The following DIP2C variants were observed in gnomAD, a reference collection of about 807,000 sequenced individuals.
The protein encoded by DIP2C is DIP2 acetate--CoA ligase C (putative).
DIP2C carries 33 observed loss-of-function variants against 192.4 expected under a neutral mutation model. That is an observed-to-expected ratio of 0.17 (90% CI 0.13 to 0.23). The LOEUF (loss-of-function observed/expected upper bound fraction) is 0.23. DIP2C is among the 10% of genes least tolerant of loss of function. The pLI is 1.00. For synonymous variants in DIP2C, 979 were observed against 864.1 expected, an observed-to-expected ratio of 1.13 and a Z score of -2.33; for missense variants, 1,537 against 2,110.1, an observed-to-expected ratio of 0.73 and a Z score of 5.32.
chr10:310,361 C>T (rs1012215260), intron 31 of DIP2C, among the ~76,000 whole-genome samples: 3 of 152,190 alleles, frequency 2.0e-5, no homozygotes, highest in East Asian at 1.9e-4. Flanking sequence ...CAAAGCCACG[C>T]ACTGTGCCAA....
chr10:430,897 T>TAAGGTC (rs1966849670), intron 4 of DIP2C, among the ~76,000 whole-genome samples: 1 of 152,242 alleles, frequency 6.6e-6, no homozygotes, highest in South Asian at 2.1e-4. Flanking sequence ...TTGAAAGATG[T>TAAGGTC]AAGGTCTGTG....
chr10:654,861 T>C lies in DIP2C; in HGVS notation c.85+34633A>G, dbSNP rs182084508. ...ACTATGATCGGTTTGTTCTATTCTA[T>C]ACTATTCCATTCTCTACGATACAAT... is the stretch of plus-strand genomic sequence containing the variant. On this transcript the variant is annotated intron_variant, in intron 1 of 36. Coordinates refer to ENST00000280886, the MANE Select transcript of DIP2C (RefSeq NM_014974.3). 2.8e-3 allele frequency among the ~76,000 whole-genome samples: 431 copies of C among 152,350 alleles called. 2 individuals carry two copies. Among genetic ancestry groups the C allele is most frequent in the Non-Finnish European group, 4.2e-3 (284 of 68,028 alleles).
intron 22 of DIP2C, among the ~76,000 whole-genome samples, chr10:359,394 A>AT (rs1476888611): frequency 1.3e-5 from 2 of 152,252 alleles, no homozygotes; most frequent in Non-Finnish European, 2.9e-5. Flanking sequence ...AGAACGGTCT[A>AT]TGAGCAGATG....
At chr10:534,769 C>T (rs1322476420) in intron 1 of DIP2C, among the ~76,000 whole-genome samples, 1 of 151,624 alleles carries the variant, frequency 6.6e-6, no homozygotes, top group Non-Finnish European at 1.5e-5. Context: ...CTCCGCTTCC[C>T]GGGTTCACGC....
At chr10:540,656 C>T (rs1847931347) in intron 1 of DIP2C, among the ~76,000 whole-genome samples, 1 of 152,218 alleles carries the variant, frequency 6.6e-6, no homozygotes. Flanking sequence ...TGTGAACGCA[C>T]TTAATGCCAC....
intron 1 of DIP2C, among the ~76,000 whole-genome samples, chr10:565,887 C>T (rs942095866): frequency 7.2e-5 from 11 of 152,206 alleles, no homozygotes; most frequent in African/African-American, 1.2e-4. Flanking sequence ...GCACTTCACA[C>T]GTTGGGAAGC....
At chr10:667,406 G>A (rs1210644430) in intron 1 of DIP2C, 1 of 152,256 alleles carries the variant, frequency 6.6e-6, no homozygotes, top group African/African-American at 2.4e-5. Flanking sequence ...CGCTCAGAAG[G>A]GGCTGCACGG....
At chr10:686,346 C>T (rs1057353724) in intron 1 of DIP2C, among the ~76,000 whole-genome samples, 2 of 151,672 alleles carry the variant, frequency 1.3e-5, no homozygotes, top group African/African-American at 4.8e-5. Flanking sequence ...CACAGCCTTC[C>T]CCCCACGTGG....
At chr10:335,280 T>C (rs1589515767) in intron 29 of DIP2C, among the ~76,000 whole-genome samples, 3 of 152,222 alleles carry the variant, frequency 2.0e-5, no homozygotes, top group Admixed American at 2.0e-4. Context: ...TAATTCTCTC[T>C]CCTTGGATTA....
intron 25 of DIP2C, 62 bp from the exon 26 acceptor site, chr10:348,824 T>C: frequency 1.3e-6 from 2 of 1,588,670 alleles, no homozygotes; most frequent in Non-Finnish European, 1.7e-6. Flanking sequence ...ACACTCTCCC[T>C]GTCAGCATCA....
intron 6 of DIP2C, among the ~76,000 whole-genome samples, chr10:418,730 T>C (rs551792803): frequency 6.6e-6 from 1 of 152,378 alleles, no homozygotes; most frequent in East Asian, 1.9e-4. Flanking sequence ...CTGTTCATGG[T>C]CTTAACACAC....
chr10:419,393 C>T (rs556775505), intron 5 of DIP2C, among the ~76,000 whole-genome samples, 194 bp from the exon 6 acceptor site: 2 of 152,258 alleles, frequency 1.3e-5, no homozygotes, highest in South Asian at 4.2e-4. Context: ...CTCATGTTGC[C>T]GCAAATGGAG....
chr10:342,405 G>A (rs373803384), intron 28 of DIP2C, among the ~76,000 whole-genome samples: 7 of 152,204 alleles, frequency 4.6e-5, no homozygotes, highest in East Asian at 3.9e-4. Flanking sequence ...TGATCCACCC[G>A]CCTCGGCCTC....
chr10:382,848 G>T (rs1476123688), intron 16 of DIP2C, 87 bp from the exon 17 acceptor site: 3 of 899,708 alleles, frequency 3.3e-6, no homozygotes, highest in Admixed American at 5.9e-5. Context: ...TCCGAAGGTG[G>T]GATTCAGGCA....
At position 349,416 on chromosome 10, in the gene DIP2C, G is replaced by A. The variant is rs764527126; in HGVS notation, c.3024C>T (p.His1008=). ...TCACGGCGATCTTCTCAGCTCTCTT[G>A]TGCAGCTGCACGCAGGTCAGCGAGT... The part of the protein sequence containing the change: ...IANSLTCVQL[H]KRAEKIAVML... The change falls in exon 25 of 37, where the codon CAC becomes CAT. Residue 1008 remains histidine, a synonymous_variant. Coordinates refer to ENST00000280886, the MANE Select transcript of DIP2C (RefSeq NM_014974.3). 10 of 1,610,662 alleles carry A rather than the reference G, an allele frequency of 6.2e-6. No homozygotes were observed. In the Admixed American group the frequency reaches 6.7e-5, roughly 11 times the overall value.
rs1854824166 is a variant in DIP2C, at chr10:636,188, C to T, written c.85+53306G>A. Among the ~76,000 whole-genome samples the T allele has an allele frequency of 6.6e-6, 1 of 152,230 alleles. No individual in the cohort carries two copies. The highest frequency in any genetic ancestry group is 2.4e-5 in the African/African-American group (1 of 41,452). On this transcript the variant is annotated intron_variant, in intron 1 of 36. Coordinates refer to ENST00000280886, the MANE Select transcript of DIP2C (RefSeq NM_014974.3). The surrounding 1 kb of genome is among the most constrained non-coding windows in gnomAD (Gnocchi z 4.6). ...GGAGGAGGAAATCCCCACAAGTCGA[C>T]AGAACACCAACGGCTCGTCGGCTCG... is the stretch of plus-strand genomic sequence containing the variant.
intron 14 of DIP2C, 100 bp from the exon 15 acceptor site, chr10:384,739 G>C: frequency 8.3e-7 from 1 of 1,207,284 alleles, no homozygotes; most frequent in South Asian, 1.3e-5. Flanking sequence ...GGGCAGGGGG[G>C]AGCTCTCAGG....
At chr10:524,500 A>AT (rs1846930465) in intron 1 of DIP2C, among the ~76,000 whole-genome samples, 1 of 152,314 alleles carries the variant, frequency 6.6e-6, no homozygotes, top group African/African-American at 2.4e-5. Context: ...CCTTACATAT[A>AT]TATGTGTATA....
At chr10:567,352 C>G (rs1229311754) in intron 1 of DIP2C, among the ~76,000 whole-genome samples, 1 of 152,128 alleles carries the variant, frequency 6.6e-6, no homozygotes, top group Non-Finnish European at 1.5e-5. Context: ...CCACCACACC[C>G]AGCTAATTTT....
Sources: allele counts gnomAD v4.1 joint callset (sites outside exome capture counted in the v4.1 genomes callset), GRCh38; gene constraint gnomAD v4.1.1; non-coding constraint Gnocchi (gnomAD v3.1); transcripts MANE v1.5; gene names NCBI Gene and HGNC (gene_info 2026-07-23, HGNC 2026-07-21).